FSTL4: variants seen among roughly 807,000 people sequenced by gnomAD.
FSTL4 encodes follistatin like 4.
A neutral mutation model predicts 78.2 loss-of-function variants in FSTL4; 28 were observed. That is an observed-to-expected ratio of 0.36 (90% CI 0.27 to 0.49). The LOEUF (loss-of-function observed/expected upper bound fraction) is 0.49, where lower values mean the gene tolerates loss of function less well. Among genes scored for constraint, FSTL4 ranks in the 20% least tolerant of loss-of-function variants. The pLI, the probability that FSTL4 is intolerant of heterozygous loss-of-function variation, is 0.98. For missense variants in FSTL4, 922 were observed against 1,084.9 expected (o/e 0.85, Z 2.11); for synonymous variants, 422 against 440.5 (o/e 0.96, Z 0.53).
chr5:133,307,212 C>G (rs1471118434), intron 6 of FSTL4, among the ~76,000 whole-genome samples: 1 of 152,130 alleles, frequency 6.6e-6, no homozygotes, highest in East Asian at 1.9e-4. Flanking sequence ...CTTGTTAACC[C>G]AGGGCTGTGG....
chr5:133,786,186 C>G, the FSTL4 span, among the ~76,000 whole-genome samples: 1 of 152,186 alleles, frequency 6.6e-6, no homozygotes, highest in Non-Finnish European at 1.5e-5. Context: ...TCCCCAGGTG[C>G]CTACCAGCAA....
chr5:133,510,843 C>A lies in FSTL4; in HGVS notation c.160+56343G>T, dbSNP rs550715857. Among the ~76,000 whole-genome samples the A allele has an allele frequency of 3.3e-5, 5 of 152,158 alleles. No homozygotes were observed. In the East Asian group the frequency reaches 9.7e-4, roughly 29 times the overall value. On this transcript the variant is annotated intron_variant, in intron 3 of 15. Coordinates refer to ENST00000265342, the MANE Select transcript of FSTL4 (RefSeq NM_015082.2). ...GCTAGAGCCACAGCCGTGTCCCACTCGATAAGGTTTCCGCTGGTTCTCTCC... is the reference window on the plus strand; with the variant it reads ...GCTAGAGCCACAGCCGTGTCCCACTAGATAAGGTTTCCGCTGGTTCTCTCC...
chr5:133,555,976 G>C (rs1468560568), intron 3 of FSTL4, among the ~76,000 whole-genome samples: 1 of 152,150 alleles, frequency 6.6e-6, no homozygotes, highest in African/African-American at 2.4e-5. Context: ...GTTTTTTACA[G>C]GCCTATTTCT....
chr5:133,701,228 C>T, the FSTL4 span, among the ~76,000 whole-genome samples: 2 of 151,424 alleles, frequency 1.3e-5, no homozygotes, highest in Admixed American at 1.3e-4. Flanking sequence ...CATAGTGAAA[C>T]CCCGTCTCTA....
chr5:133,596,173 C>T (rs1760733664), intron 2 of FSTL4, among the ~76,000 whole-genome samples: 1 of 152,200 alleles, frequency 6.6e-6, no homozygotes. Context: ...CTGCCACCAG[C>T]CAAGCAGGCC....
At chr5:133,349,295 C>CTCTCTCTGTGTGTGTGTGTG (rs11269337) in intron 4 of FSTL4, among the ~76,000 whole-genome samples, 1 of 139,682 alleles carries the variant, frequency 7.2e-6, no homozygotes, top group Non-Finnish European at 1.5e-5. Context: ...GCCTCTCTCT[C>CTCTCTCTGTGTGTGTGTGTG]TGTGTGTGTG....
At chr5:133,820,607 G>C in the FSTL4 span, among the ~76,000 whole-genome samples, 1 of 152,224 alleles carries the variant, frequency 6.6e-6, no homozygotes, top group South Asian at 2.1e-4. Context: ...ACAACAGAGA[G>C]AAAATAGTTA....
At chr5:133,824,202 C>T in the FSTL4 span, among the ~76,000 whole-genome samples, 1 of 152,236 alleles carries the variant, frequency 6.6e-6, no homozygotes. Context: ...CATCAGATCC[C>T]ACAGGACTGC....
chr5:133,289,499 G>A (rs940768138), intron 6 of FSTL4, among the ~76,000 whole-genome samples: 8 of 152,206 alleles, frequency 5.3e-5, no homozygotes, highest in African/African-American at 1.4e-4. Flanking sequence ...GATGGGTCAG[G>A]AGCTCCTGAG....
chr5:133,710,949 A>G, the FSTL4 span, among the ~76,000 whole-genome samples: 11 of 152,240 alleles, frequency 7.2e-5, no homozygotes, highest in Admixed American at 1.3e-4. Flanking sequence ...ATGAACAAAT[A>G]TATGCACAAA....
intron 3 of FSTL4, among the ~76,000 whole-genome samples, chr5:133,489,801 G>A (rs994628691): frequency 6.6e-6 from 1 of 152,142 alleles, no homozygotes; most frequent in African/African-American, 2.4e-5. Flanking sequence ...AAAAGACAAG[G>A]AGACACTTAT....
the FSTL4 span, among the ~76,000 whole-genome samples, chr5:133,740,332 C>T: frequency 1.3e-5 from 2 of 152,266 alleles, no homozygotes; most frequent in South Asian, 4.2e-4. Context: ...AAGGCCTGCC[C>T]CTGGCCCCAC....
chr5:133,567,862 C>T (rs1011474266), intron 2 of FSTL4, among the ~76,000 whole-genome samples: 1 of 152,072 alleles, frequency 6.6e-6, no homozygotes, highest in African/African-American at 2.4e-5. Context: ...CAGAAGTTAC[C>T]CAGGTAAAAC....
At chr5:133,503,446 A>G (rs1366604) in intron 3 of FSTL4, among the ~76,000 whole-genome samples, 77,780 of 151,812 alleles carry the variant, frequency 0.51, 20,307 homozygotes, top group African/African-American at 0.59. Flanking sequence ...TGGCTCCGGC[A>G]CACCACCGGG....
the FSTL4 span, among the ~76,000 whole-genome samples, chr5:133,838,471 G>A: frequency 8.5e-5 from 13 of 152,184 alleles, no homozygotes; most frequent in Non-Finnish European, 1.5e-4. Context: ...TGAGCTGGAC[G>A]ATTCTGGTTT....
At chr5:133,470,067 C>A (rs1336446936) in intron 3 of FSTL4, among the ~76,000 whole-genome samples, 2 of 152,180 alleles carry the variant, frequency 1.3e-5, no homozygotes, top group African/African-American at 4.8e-5. Flanking sequence ...AGGGGCTGCT[C>A]ACGTGACACC....
intron 3 of FSTL4, among the ~76,000 whole-genome samples, chr5:133,449,452 T>C (rs550603005): frequency 2.6e-5 from 4 of 152,108 alleles, no homozygotes; most frequent in Non-Finnish European, 1.5e-5. Context: ...CATGGCCAAA[T>C]AGTCTAACAC....
At chr5:133,333,693 C>CG (rs1754400080) in intron 4 of FSTL4, among the ~76,000 whole-genome samples, 7 of 152,214 alleles carry the variant, frequency 4.6e-5, no homozygotes, top group Middle Eastern at 3.2e-3. Context: ...ATTCCCAGAG[C>CG]AAGGTACCCT....
At chr5:133,206,443 C>T (rs185196935) in intron 14 of FSTL4, among the ~76,000 whole-genome samples, 61 of 152,286 alleles carry the variant, frequency 4.0e-4, no homozygotes, top group African/African-American at 1.4e-3. Flanking sequence ...GCAACCTCCA[C>T]CTCCACCTCC....
Sources: allele counts gnomAD v4.1 joint callset (sites outside exome capture counted in the v4.1 genomes callset), GRCh38; gene constraint gnomAD v4.1.1; transcripts MANE v1.5; gene names NCBI Gene and HGNC (gene_info 2026-07-23, HGNC 2026-07-21).